The following NSDHL variants were observed in gnomAD, a reference collection of about 807,000 sequenced individuals.
NSDHL encodes the protein NAD(P) dependent 3-beta-hydroxysteroid dehydrogenase NSDHL.
Under a neutral mutation model 23.0 loss-of-function variants are expected in NSDHL, and 1 was observed. The ratio of observed to expected loss-of-function variants is 0.04; its 90% CI spans 0.02 to 0.21. NSDHL has a LOEUF of 0.21. Ranked by LOEUF, NSDHL falls within the 10% of genes least tolerant of loss-of-function variation. The pLI is 1.00. For missense variants in NSDHL, 237 were observed against 300.9 expected (o/e 0.79, Z 1.57); for synonymous variants, 128 against 121.1 (o/e 1.06, Z -0.37).
rs372134777 is a variant in NSDHL, at chrX:152,858,831, C to T, written c.329C>T (p.Ser110Phe). 4.2e-6 allele frequency: 5 copies of T among 1,200,475 alleles called. No individual in the cohort carries two copies. The highest frequency in any genetic ancestry group is 5.6e-6 in the Non-Finnish European group (5 of 886,635). Residue 110 changes from serine to phenylalanine, a missense_variant, in exon 4 of 8, where the codon TCC becomes TTC. Physicochemically the swap from Ser to Phe is radical, Grantham distance 155 (BLOSUM62 -2). Around this residue, in one of 3 missense-constraint regions of NSDHL, gnomAD observed 81 missense variants for 103.3 expected, o/e 0.78. Transcript: ENST00000370274. The part of the protein sequence containing the change: ...TVFHCASPPP[S>F]SNNKELFYRV... ...TTCCACTGTGCGTCACCCCCACCAT[C>T]CAGTAACAACAAGGAGCTCTTTTAT... is the stretch of plus-strand genomic sequence containing the variant.
chrX:152,857,625 C>T (rs149136725), intron 3 of NSDHL, among the ~76,000 whole-genome samples: 335 of 111,951 alleles, frequency 3.0e-3, no homozygotes, highest in African/African-American at 0.01. Flanking sequence ...ACATGTCATG[C>T]GCAATTGGAT....
chrX:152,833,649 T>C (rs1556843678), intron 1 of NSDHL, among the ~76,000 whole-genome samples: 1 of 112,332 alleles, frequency 8.9e-6, no homozygotes, highest in Non-Finnish European at 1.9e-5. Context: ...CAGGACACCA[T>C]GCGCTCTGTT....
At chrX:152,851,551 C>G (rs142025836) in intron 3 of NSDHL, among the ~76,000 whole-genome samples, 2 of 111,311 alleles carry the variant, frequency 1.8e-5, no homozygotes, top group Non-Finnish European at 3.8e-5. Flanking sequence ...CCATTGCTTC[C>G]GCTGCAAAGT....
At chrX:152,863,266 G>A (rs966171333) in intron 5 of NSDHL, among the ~76,000 whole-genome samples, 5 of 111,901 alleles carry the variant, frequency 4.5e-5, no homozygotes, top group African/African-American at 9.8e-5. Context: ...CACAATTATC[G>A]CATCATCACC....
intron 5 of NSDHL, 146 bp downstream of exon 5, chrX:152,862,870 T>A: frequency 6.3e-6 from 4 of 631,507 alleles, no homozygotes; most frequent in Non-Finnish European, 1.0e-5. Flanking sequence ...AATTTAAAAA[T>A]ACTGTGAGAG....
intron 1 of NSDHL, among the ~76,000 whole-genome samples, chrX:152,844,905 G>A (rs782766145): frequency 1.8e-5 from 2 of 111,933 alleles, no homozygotes; most frequent in Admixed American, 9.5e-5. Flanking sequence ...GATACACATT[G>A]AGTCCCAGTG....
At chrX:152,857,590 G>A (rs781961413) in intron 3 of NSDHL, among the ~76,000 whole-genome samples, 6 of 112,165 alleles carry the variant, frequency 5.3e-5, no homozygotes, top group Non-Finnish European at 9.4e-5. Context: ...TAAAAGAGAT[G>A]GAAGAGACCT....
chrX:152,846,544 A>G, intron 2 of NSDHL, 112 bp downstream of exon 2: 2 of 548,358 alleles, frequency 3.6e-6, no homozygotes, highest in South Asian at 5.0e-5. Flanking sequence ...TATGTAAGAT[A>G]TATAGCTTTG....
At chrX:152,851,082 G>C (rs1388865940) in intron 3 of NSDHL, among the ~76,000 whole-genome samples, 1 of 112,200 alleles carries the variant, frequency 8.9e-6, no homozygotes, top group Admixed American at 9.5e-5. Flanking sequence ...CTTCATCCAT[G>C]TTGTACAGGT....
chrX:152,863,153 G>C (rs1325058029), intron 5 of NSDHL, among the ~76,000 whole-genome samples: 18 of 109,215 alleles, frequency 1.6e-4, no homozygotes, highest in Admixed American at 1.6e-3. Context: ...TAGAGAGAGA[G>C]AGACGCTGTC....
intron 3 of NSDHL, among the ~76,000 whole-genome samples, chrX:152,853,500 G>C (rs9785451): frequency 0.027 from 2,977 of 111,120 alleles, 95 homozygotes; most frequent in African/African-American, 0.092. Context: ...CACCATCACT[G>C]TCTCACCTAG....
chrX:152,859,951 G>C (rs1354962748), intron 4 of NSDHL, among the ~76,000 whole-genome samples: 1 of 112,472 alleles, frequency 8.9e-6, no homozygotes, highest in African/African-American at 3.2e-5. Context: ...CTGGTTCTTA[G>C]AATTGTCTTT....
At chrX:152,836,637 G>T (rs969617010) in intron 1 of NSDHL, among the ~76,000 whole-genome samples, 3 of 111,578 alleles carry the variant, frequency 2.7e-5, no homozygotes, top group Non-Finnish European at 3.8e-5. Context: ...ATTTCTGAGC[G>T]CTCTGTTTTG....
At position 152,862,596 on chromosome X, in the gene NSDHL, A is replaced by G. The variant is rs1276401179; in HGVS notation, c.415A>G (p.Lys139Glu). 6 of 1,206,847 alleles carry G rather than the reference A, an allele frequency of 5.0e-6. No individual in the cohort carries two copies. Among genetic ancestry groups the G allele is most frequent in the Non-Finnish European group, 6.7e-6 (6 of 892,411 alleles). Residue 139 changes from lysine to glutamate, a missense_variant and splice_region_variant, in exon 5 of 8, where the codon AAA becomes GAA. Lys to Glu is a moderately conservative substitution (Grantham distance 56). Around this residue, in one of 3 missense-constraint regions of NSDHL, gnomAD observed 39 missense variants for 98.1 expected, o/e 0.40. Transcript: ENST00000370274. ...ATTTTTTCTGACCTTCCTCTGTCAG[A>G]AACTCATTTTAACCAGCAGTGCCAG... ...IETCKEAGVQ[K>E]LILTSSASVI...
At chrX:152,841,978 G>A (rs1454353763) in intron 1 of NSDHL, among the ~76,000 whole-genome samples, 2 of 112,275 alleles carry the variant, frequency 1.8e-5, no homozygotes, top group African/African-American at 6.5e-5. Flanking sequence ...GTCCTTTTGT[G>A]TCTAGCTTAT....
chrX:152,860,715 T>TA (rs1187440953), intron 4 of NSDHL, among the ~76,000 whole-genome samples: 63 of 107,284 alleles, frequency 5.9e-4, no homozygotes, highest in African/African-American at 2.0e-3. Context: ...CCTTGTCTCT[T>TA]AAAAAAAAAA....
chrX:152,860,069 C>G (rs1556847382), intron 4 of NSDHL, among the ~76,000 whole-genome samples: 1 of 112,044 alleles, frequency 8.9e-6, no homozygotes, highest in African/African-American at 3.2e-5. Flanking sequence ...AAACTTGAAG[C>G]AAGCCAGGGG....
At chrX:152,834,407 A>G (rs1341227618) in intron 1 of NSDHL, among the ~76,000 whole-genome samples, 3 of 113,043 alleles carry the variant, frequency 2.7e-5, no homozygotes, top group African/African-American at 9.6e-5. Context: ...TGGTGGAAAC[A>G]TGGACACCGC....
At chrX:152,848,286 C>T (rs1249966329) in intron 2 of NSDHL, among the ~76,000 whole-genome samples, 2 of 111,891 alleles carry the variant, frequency 1.8e-5, no homozygotes, top group African/African-American at 6.5e-5. Flanking sequence ...TCATTCTTGT[C>T]CACTGTGGCT....
Sources: allele counts gnomAD v4.1 joint callset (sites outside exome capture counted in the v4.1 genomes callset), GRCh38; gene constraint gnomAD v4.1.1; regional missense constraint gnomAD v4.1.1; transcripts MANE v1.5; gene names NCBI Gene and HGNC (gene_info 2026-07-23, HGNC 2026-07-21).